PCDH9: variants seen among roughly 807,000 people sequenced by gnomAD.
PCDH9 encodes the protein protocadherin 9, also known as protocadherin-9.
Under a neutral mutation model 70.6 loss-of-function variants are expected in PCDH9, and 24 were observed. That is an observed-to-expected ratio of 0.34 (90% CI 0.25 to 0.48). The LOEUF (loss-of-function observed/expected upper bound fraction) is 0.48, where lower values mean the gene tolerates loss of function less well. Among genes scored for constraint, PCDH9 ranks in the 20% least tolerant of loss-of-function variants. The probability of loss-of-function intolerance (pLI) is 0.99; values close to 1 mark genes in which losing one functional copy is unlikely to be tolerated. For synonymous variants in PCDH9, 562 were observed against 558.5 expected, an observed-to-expected ratio of 1.01 and a Z score of -0.09; for missense variants, 1,281 against 1,503.6, an observed-to-expected ratio of 0.85 and a Z score of 2.45.
intron 2 of PCDH9, among the ~76,000 whole-genome samples, chr13:67,131,194 T>G (rs2087104501): frequency 6.6e-6 from 1 of 152,158 alleles, no homozygotes; most frequent in Non-Finnish European, 1.5e-5. Context: ...AAATTTAGAC[T>G]CCTATTTTAA....
chr13:67,062,615 C>T (rs1255790558), intron 2 of PCDH9, among the ~76,000 whole-genome samples: 1 of 152,138 alleles, frequency 6.6e-6, no homozygotes, highest in Non-Finnish European at 1.5e-5. Flanking sequence ...TTCTGTACAA[C>T]ATCTGGAATA....
intron 2 of PCDH9, among the ~76,000 whole-genome samples, chr13:67,196,028 A>T (rs2089055393): frequency 6.6e-6 from 1 of 152,210 alleles, no homozygotes. Context: ...TAACTTTTAA[A>T]GGAGAGGTGA....
chr13:66,712,132 C>T (rs2078803190), intron 3 of PCDH9, among the ~76,000 whole-genome samples: 1 of 152,074 alleles, frequency 6.6e-6, no homozygotes, highest in Admixed American at 6.6e-5. Flanking sequence ...ATTTAATTTG[C>T]CTGTTGAACT....
chr13:66,349,492 A>G (rs933538788), intron 4 of PCDH9, among the ~76,000 whole-genome samples: 5 of 152,202 alleles, frequency 3.3e-5, no homozygotes, highest in African/African-American at 1.2e-4. Context: ...GACAGAAAAT[A>G]TGTCACAGCT....
Position 67,154,422 on chromosome 13 carries a change from C to T in PCDH9, c.3036+70983G>A, listed in dbSNP as rs2087744251. 2.6e-5 allele frequency among the ~76,000 whole-genome samples: 4 copies of T among 151,386 alleles called. No homozygotes were observed. In the South Asian group the frequency reaches 8.3e-4, roughly 32 times the overall value. ...GCAAAACCTCGTCTCTATGAAAATA[C>T]AAAAATTAGCTGGGCACGGCGGTAA... On this transcript the variant is annotated intron_variant, in intron 2 of 4. Transcript: ENST00000377865.
chr13:66,523,471 C>T (rs1960084448), intron 4 of PCDH9, among the ~76,000 whole-genome samples: 1 of 151,994 alleles, frequency 6.6e-6, no homozygotes, highest in African/African-American at 2.4e-5. Flanking sequence ...TTCATTTGTT[C>T]AAGTAGCACA....
intron 4 of PCDH9, among the ~76,000 whole-genome samples, chr13:66,570,925 A>G (rs7324673): frequency 0.12 from 17,894 of 152,096 alleles, 1,240 homozygotes; most frequent in Middle Eastern, 0.22. Flanking sequence ...TAATTGAATA[A>G]TGCATATGCA....
intron 4 of PCDH9, among the ~76,000 whole-genome samples, chr13:66,541,260 CT>C (rs1276483969): frequency 1.3e-5 from 2 of 152,134 alleles, no homozygotes; most frequent in Non-Finnish European, 2.9e-5. Flanking sequence ...TAAGGTTTCT[CT>C]GTGGAAGTGT....
intron 3 of PCDH9, among the ~76,000 whole-genome samples, chr13:66,773,549 G>C (rs2079842972): frequency 6.6e-6 from 1 of 151,632 alleles, no homozygotes; most frequent in Admixed American, 6.6e-5. Flanking sequence ...AGAATGGCGT[G>C]AACCCGGGAG....
intron 2 of PCDH9, among the ~76,000 whole-genome samples, chr13:67,051,382 ATTTTTTTTT>A (rs567408801): frequency 5.6e-5 from 4 of 70,996 alleles, no homozygotes; most frequent in Non-Finnish European, 4.9e-5. Context: ...ACAATACAAG[ATTTTTTTTT>A]TTTTTTTTTT....
At chr13:66,833,233 C>T (rs1040266461) in intron 3 of PCDH9, among the ~76,000 whole-genome samples, 10 of 152,038 alleles carry the variant, frequency 6.6e-5, no homozygotes, top group African/African-American at 2.4e-4. Context: ...CATAATATGC[C>T]CAAACTTATT....
At chr13:66,718,225 T>C (rs183510894) in intron 3 of PCDH9, among the ~76,000 whole-genome samples, 2 of 152,312 alleles carry the variant, frequency 1.3e-5, no homozygotes, top group East Asian at 3.9e-4. Context: ...TCATATTTGC[T>C]AATTTATCCT....
chr13:66,499,881 C>G (rs2138556297), intron 4 of PCDH9, among the ~76,000 whole-genome samples: 1 of 152,256 alleles, frequency 6.6e-6, no homozygotes, highest in East Asian at 1.9e-4. Flanking sequence ...TTTCAGAGAG[C>G]CTGGCATCTT....
chr13:66,395,373 C>A (rs1957085041), intron 4 of PCDH9, among the ~76,000 whole-genome samples: 1 of 152,026 alleles, frequency 6.6e-6, no homozygotes, highest in Admixed American at 6.6e-5. Context: ...GAGTCCGAGG[C>A]AGGTGGATCA....
intron 2 of PCDH9, among the ~76,000 whole-genome samples, chr13:66,959,428 T>C (rs1403158987): frequency 6.6e-6 from 1 of 152,156 alleles, no homozygotes; most frequent in African/African-American, 2.4e-5. Flanking sequence ...AACTTAATAA[T>C]TGAAATGATC....
intron 3 of PCDH9, among the ~76,000 whole-genome samples, chr13:66,664,216 T>G (rs750959338): frequency 6.6e-6 from 1 of 152,248 alleles, no homozygotes; most frequent in Non-Finnish European, 1.5e-5. Flanking sequence ...CCTGCCTACT[T>G]ACACAATTAT....
At chr13:66,471,707 G>A (rs1260351779) in intron 4 of PCDH9, among the ~76,000 whole-genome samples, 1 of 152,072 alleles carries the variant, frequency 6.6e-6, no homozygotes, top group African/African-American at 2.4e-5. Flanking sequence ...TAAGTAGCTT[G>A]CTCAAATTTC....
chr13:66,885,983 A>G (rs1345425404), intron 3 of PCDH9: 2 of 151,766 alleles, frequency 1.3e-5, no homozygotes, highest in African/African-American at 4.8e-5. Flanking sequence ...ATAAAATGCC[A>G]TTTTTTTTCT....
intron 4 of PCDH9, among the ~76,000 whole-genome samples, chr13:66,457,242 C>A (rs998685270): frequency 6.6e-6 from 1 of 152,076 alleles, no homozygotes; most frequent in Non-Finnish European, 1.5e-5. Flanking sequence ...TGTATGAATG[C>A]ATCTCCAGCT....
Sources: gnomAD v4.1 joint callset for allele counts (sites outside exome capture counted in the v4.1 genomes callset) on GRCh38, gnomAD v4.1.1 for gene constraint, MANE v1.5 for transcripts, NCBI Gene and HGNC (gene_info 2026-07-23, HGNC 2026-07-21) for gene names.